LOC128462377: variants seen among roughly 807,000 people sequenced by gnomAD.
the LOC128462377 span, among the ~76,000 whole-genome samples, chr16:89,385,709 C>G: frequency 6.6e-6 from 1 of 152,256 alleles, no homozygotes; most frequent in African/African-American, 2.4e-5. Flanking sequence ...CACGTACAGT[C>G]TGCAAAGAAA....
At chr16:89,395,090 G>A in the LOC128462377 span, among the ~76,000 whole-genome samples, 4 of 152,304 alleles carry the variant, frequency 2.6e-5, no homozygotes, top group Admixed American at 2.0e-4. Flanking sequence ...TAAACCAAGT[G>A]ACCAGGCTGA....
At chr16:89,345,293 C>T in the LOC128462377 span, among the ~76,000 whole-genome samples, 10 of 139,882 alleles carry the variant, frequency 7.1e-5, no homozygotes, top group East Asian at 4.4e-4. Context: ...AGACCCATCA[C>T]GACAAACGGA....
chr16:89,333,082 C>T, the LOC128462377 span, among the ~76,000 whole-genome samples: 3 of 152,304 alleles, frequency 2.0e-5, no homozygotes, highest in Admixed American at 6.5e-5. Flanking sequence ...TGCAGAAAAA[C>T]GCCTGCCCCC....
chr16:89,360,170 T>A, the LOC128462377 span, among the ~76,000 whole-genome samples: 5 of 152,226 alleles, frequency 3.3e-5, no homozygotes, highest in Admixed American at 1.3e-4. Flanking sequence ...TGGTTTTCTG[T>A]TCCTGAGTTA....
chr16:89,366,980 G>C, the LOC128462377 span, among the ~76,000 whole-genome samples: 4 of 152,226 alleles, frequency 2.6e-5, no homozygotes, highest in Non-Finnish European at 5.9e-5. Flanking sequence ...TAGGTCCGCT[G>C]ATTGTGGTTT....
chr16:89,319,034 G>A, the LOC128462377 span, among the ~76,000 whole-genome samples: 3 of 152,240 alleles, frequency 2.0e-5, no homozygotes, highest in Non-Finnish European at 4.4e-5. Flanking sequence ...TGGCTGTCTA[G>A]AAACTCAGTG....
the LOC128462377 span, among the ~76,000 whole-genome samples, chr16:89,332,919 C>T: frequency 4.6e-5 from 7 of 152,240 alleles, no homozygotes; most frequent in South Asian, 2.1e-4. Context: ...CAGTTGAGAA[C>T]GTAGTTACAA....
chr16:89,380,267 G>A, the LOC128462377 span, among the ~76,000 whole-genome samples: 9 of 152,142 alleles, frequency 5.9e-5, no homozygotes, highest in Admixed American at 1.3e-4. Context: ...CATGTGCCAC[G>A]ACGCCTGGCT....
At chr16:89,389,513 C>T in the LOC128462377 span, among the ~76,000 whole-genome samples, 2 of 152,042 alleles carry the variant, frequency 1.3e-5, no homozygotes, top group African/African-American at 2.4e-5. Flanking sequence ...TTCCTCCCCA[C>T]GGTCAAAAAC....
chr16:89,341,239 G>A, the LOC128462377 span, among the ~76,000 whole-genome samples: 5 of 152,206 alleles, frequency 3.3e-5, no homozygotes, highest in Non-Finnish European at 7.3e-5. Context: ...ATCATGGCAA[G>A]CAGACCCGGT....
At chr16:89,333,470 T>C in the LOC128462377 span, among the ~76,000 whole-genome samples, 1 of 152,230 alleles carries the variant, frequency 6.6e-6, no homozygotes, top group South Asian at 2.1e-4. Context: ...TGTGGTATCA[T>C]ACAGAGTAGT....
the LOC128462377 span, among the ~76,000 whole-genome samples, chr16:89,379,024 C>T: frequency 6.6e-6 from 1 of 152,192 alleles, no homozygotes; most frequent in Non-Finnish European, 1.5e-5. Context: ...CGTAGACAAG[C>T]CGGGCTGAGG....
At chr16:89,340,257 C>A in the LOC128462377 span, among the ~76,000 whole-genome samples, 1 of 152,206 alleles carries the variant, frequency 6.6e-6, no homozygotes, top group African/African-American at 2.4e-5. Flanking sequence ...TTGATTAGGG[C>A]AGATGTCTTC....
chr16:89,386,505 G>C, the LOC128462377 span, among the ~76,000 whole-genome samples: 11 of 152,210 alleles, frequency 7.2e-5, no homozygotes, highest in African/African-American at 2.2e-4. Context: ...CACAGCATGA[G>C]GGTGTGGGGG....
the LOC128462377 span, among the ~76,000 whole-genome samples, chr16:89,366,331 C>G: frequency 1.3e-5 from 2 of 152,128 alleles, no homozygotes; most frequent in African/African-American, 4.8e-5. Flanking sequence ...TTCTATTCCT[C>G]TGGGTATATA....
chr16:89,328,580 C>T, the LOC128462377 span, among the ~76,000 whole-genome samples: 1 of 150,968 alleles, frequency 6.6e-6, no homozygotes, highest in South Asian at 2.1e-4. Flanking sequence ...AGTGGACACA[C>T]CCAGGCGTAC....
chr16:89,373,014 G>C, the LOC128462377 span: 3 of 152,324 alleles, frequency 2.0e-5, no homozygotes, highest in South Asian at 6.2e-4. Flanking sequence ...CAGTACGTGC[G>C]TTCACTGCAA....
At chr16:89,368,116 A>C in the LOC128462377 span, among the ~76,000 whole-genome samples, 3 of 152,068 alleles carry the variant, frequency 2.0e-5, no homozygotes, top group African/African-American at 4.8e-5. Flanking sequence ...TCACTACGCT[A>C]CTCATTGGTT....
the LOC128462377 span, among the ~76,000 whole-genome samples, chr16:89,388,292 G>GTTTTTTTTTTTTTT: frequency 1.6e-5 from 1 of 61,052 alleles, no homozygotes; most frequent in Admixed American, 1.7e-4. Context: ...CCATGAGGCT[G>GTTTTTTTTTTTTTT]ATTTTTTTTT....
Sources: gnomAD v4.1 joint callset for allele counts (sites outside exome capture counted in the v4.1 genomes callset) on GRCh38, gnomAD v4.1.1 for gene constraint, MANE v1.5 for transcripts.